Variants in CTNND2 observed in about 807,000 individuals in gnomAD.
CTNND2 encodes catenin delta 2.
Under a neutral mutation model 144.4 loss-of-function variants are expected in CTNND2, and 22 were observed. The observed-to-expected ratio is 0.15, with a 90% confidence interval of 0.11 to 0.22. CTNND2 has a LOEUF of 0.22. CTNND2 is among the 10% of genes least tolerant of loss of function. The pLI, the probability that CTNND2 is intolerant of heterozygous loss-of-function variation, is 1.00. For synonymous variants in CTNND2, 751 were observed against 695.6 expected (o/e 1.08, Z -1.25); for missense variants, 1,353 against 1,618.8 (o/e 0.84, Z 2.82).
chr5:11,499,630 A>T (rs1026310999), intron 3 of CTNND2, among the ~76,000 whole-genome samples: 5 of 152,222 alleles, frequency 3.3e-5, no homozygotes, highest in African/African-American at 1.2e-4. Context: ...CAATAAGAAT[A>T]TGCCATTATC....
At chr5:11,339,781 C>G (rs1187070522) in intron 9 of CTNND2, among the ~76,000 whole-genome samples, 5 of 152,142 alleles carry the variant, frequency 3.3e-5, no homozygotes, top group Non-Finnish European at 7.4e-5. Context: ...AAAGAGCCCT[C>G]ACTAGACACA....
At chr5:11,345,578 G>A (rs2149738378) in intron 9 of CTNND2, among the ~76,000 whole-genome samples, 1 of 152,112 alleles carries the variant, frequency 6.6e-6, no homozygotes, top group African/African-American at 2.4e-5. Flanking sequence ...CCAGAGTCAA[G>A]CCACCTGCCC....
intron 3 of CTNND2, among the ~76,000 whole-genome samples, chr5:11,521,338 G>T (rs1457954653): frequency 6.6e-6 from 1 of 152,096 alleles, no homozygotes; most frequent in East Asian, 1.9e-4. Flanking sequence ...TTATTCTTGG[G>T]CAAATTATTT....
At chr5:11,511,987 G>A (rs567281515) in intron 3 of CTNND2, among the ~76,000 whole-genome samples, 1 of 152,190 alleles carries the variant, frequency 6.6e-6, no homozygotes, top group African/African-American at 2.4e-5. Context: ...TTTTCTTTCT[G>A]AATTCCATTC....
intron 2 of CTNND2, among the ~76,000 whole-genome samples, chr5:11,604,724 T>C (rs1215748434): frequency 1.3e-5 from 2 of 152,208 alleles, no homozygotes; most frequent in African/African-American, 4.8e-5. Context: ...TAATCACCCA[T>C]GTCCCAAGAT....
chr5:11,210,660 A>T (rs768306440), intron 10 of CTNND2, among the ~76,000 whole-genome samples: 1 of 152,242 alleles, frequency 6.6e-6, no homozygotes, highest in East Asian at 1.9e-4. Flanking sequence ...ATGACCTCAC[A>T]TAAATTTTGA....
At chr5:11,184,992 G>A (rs893404182) in intron 11 of CTNND2, among the ~76,000 whole-genome samples, 4 of 152,164 alleles carry the variant, frequency 2.6e-5, no homozygotes, top group African/African-American at 7.2e-5. Context: ...GTCTGAGCAG[G>A]TGTGCAAGAA....
At chr5:11,196,007 C>T (rs752824994) in intron 11 of CTNND2, among the ~76,000 whole-genome samples, 2 of 152,084 alleles carry the variant, frequency 1.3e-5, no homozygotes, top group Non-Finnish European at 1.5e-5. Context: ...GAGATATTGC[C>T]GTGCAAACAG....
intron 9 of CTNND2, among the ~76,000 whole-genome samples, chr5:11,315,966 CT>C (rs1343815747): frequency 1.3e-5 from 2 of 152,174 alleles, no homozygotes; most frequent in Non-Finnish European, 2.9e-5. Context: ...CATTACCAAC[CT>C]GGATTAAAAT....
At chr5:11,279,882 A>T (rs1285482957) in intron 9 of CTNND2, among the ~76,000 whole-genome samples, 1 of 152,124 alleles carries the variant, frequency 6.6e-6, no homozygotes, top group Non-Finnish European at 1.5e-5. Context: ...GCAAGAACTC[A>T]CTCACTATTG....
chr5:11,247,211 C>T (rs1299286647), intron 9 of CTNND2, among the ~76,000 whole-genome samples: 2 of 152,162 alleles, frequency 1.3e-5, no homozygotes, highest in African/African-American at 4.8e-5. Flanking sequence ...GAGCTGAGAG[C>T]AGTTGGGGGC....
At chr5:11,733,926 A>G (rs1787534858) in intron 1 of CTNND2, among the ~76,000 whole-genome samples, 1 of 152,170 alleles carries the variant, frequency 6.6e-6, no homozygotes, top group South Asian at 2.1e-4. Flanking sequence ...AAATATTAAT[A>G]CCCAAGGTGA....
intron 12 of CTNND2, among the ~76,000 whole-genome samples, chr5:11,141,144 G>C (rs1756684424): frequency 6.6e-6 from 1 of 152,100 alleles, no homozygotes; most frequent in Non-Finnish European, 1.5e-5. Flanking sequence ...TGTAGAGACA[G>C]GGTCTCCCTA....
chr5:11,016,158 A>T (rs1434393287), intron 18 of CTNND2, among the ~76,000 whole-genome samples: 1 of 152,186 alleles, frequency 6.6e-6, no homozygotes, highest in Non-Finnish European at 1.5e-5. Flanking sequence ...AGGGCCTTGA[A>T]TATTCACGGA....
intron 3 of CTNND2, among the ~76,000 whole-genome samples, chr5:11,543,166 A>C (rs1294034411): frequency 6.6e-6 from 1 of 152,178 alleles, no homozygotes; most frequent in African/African-American, 2.4e-5. Flanking sequence ...GGCAACCAAT[A>C]TGGGCAGGGT....
At chr5:11,525,344 C>T (rs965006781) in intron 3 of CTNND2, among the ~76,000 whole-genome samples, 4 of 152,128 alleles carry the variant, frequency 2.6e-5, no homozygotes, top group African/African-American at 9.7e-5. Flanking sequence ...AGTTCAACTT[C>T]CTGGCTGCAC....
At chr5:11,572,690 G>C (rs1254092090) in intron 2 of CTNND2, among the ~76,000 whole-genome samples, 2 of 152,058 alleles carry the variant, frequency 1.3e-5, no homozygotes, top group African/African-American at 4.8e-5. Flanking sequence ...TTCCCCCAGT[G>C]GCCCGCTACA....
At chr5:11,515,634 CAACACTACAA>C (rs1292640531) in intron 3 of CTNND2, among the ~76,000 whole-genome samples, 3 of 152,112 alleles carry the variant, frequency 2.0e-5, no homozygotes, top group African/African-American at 7.2e-5. Context: ...ATGATTTTTG[CAACACTACAA>C]AGTATGCTTT....
chr5:11,851,944 A>G (rs558239423), intron 1 of CTNND2, among the ~76,000 whole-genome samples: 4 of 152,348 alleles, frequency 2.6e-5, no homozygotes, highest in Admixed American at 6.5e-5. Flanking sequence ...CCAGTCATTC[A>G]GTCATGGTAT....
Sources: gnomAD v4.1 joint callset for allele counts (sites outside exome capture counted in the v4.1 genomes callset) on GRCh38, gnomAD v4.1.1 for gene constraint, MANE v1.5 for transcripts, NCBI Gene and HGNC (gene_info 2026-07-23, HGNC 2026-07-21) for gene names.